Variants in SCN8A observed in about 807,000 individuals in gnomAD.
SCN8A encodes sodium voltage-gated channel alpha subunit 8.
In SCN8A, 30 loss-of-function variants were observed where a neutral mutation model predicts 184.1. That is an observed-to-expected ratio of 0.16 (90% CI 0.12 to 0.22). SCN8A has a LOEUF of 0.22. SCN8A is among the 10% of genes least tolerant of loss of function. The probability of loss-of-function intolerance (pLI) is 1.00; values close to 1 mark genes in which losing one functional copy is unlikely to be tolerated. For synonymous variants in SCN8A, 852 were observed against 907.0 expected (o/e 0.94, Z 1.09); for missense variants, 1,057 against 2,498.9 (o/e 0.42, Z 12.30).
intron 19 of SCN8A, among the ~76,000 whole-genome samples, chr12:51,773,399 T>G (rs1243519898): frequency 6.6e-6 from 1 of 152,162 alleles, no homozygotes; most frequent in Non-Finnish European, 1.5e-5. Flanking sequence ...AGAAATAAAA[T>G]AGTGATAAGA....
chr12:51,627,498 C>T (rs932651433), intron 1 of SCN8A, among the ~76,000 whole-genome samples: 1 of 152,178 alleles, frequency 6.6e-6, no homozygotes, highest in Non-Finnish European at 1.5e-5. Context: ...TCTCCTGCCT[C>T]AGCCTCCCAA....
chr12:51,793,240 G>T (rs1424122000), intron 25 of SCN8A, among the ~76,000 whole-genome samples: 2 of 152,116 alleles, frequency 1.3e-5, no homozygotes, highest in Non-Finnish European at 2.9e-5. Context: ...TTTGGAGGAA[G>T]AATCAACAGG....
At chr12:51,660,673 ACT>A (rs1199763912) in intron 1 of SCN8A, among the ~76,000 whole-genome samples, 1 of 152,042 alleles carries the variant, frequency 6.6e-6, no homozygotes, top group Non-Finnish European at 1.5e-5. Flanking sequence ...GTTTTCTCTG[ACT>A]CTGTTTCTTT....
chr12:51,706,813 T>G, intron 11 of SCN8A, 98 bp downstream of exon 11: 1 of 886,414 alleles, frequency 1.1e-6, no homozygotes, highest in Non-Finnish European at 1.6e-6. Context: ...ATTTTAAGTG[T>G]ACCGTTCAGT....
intron 1 of SCN8A, among the ~76,000 whole-genome samples, chr12:51,645,922 C>G (rs1304533620): frequency 1.4e-5 from 2 of 142,404 alleles, no homozygotes; most frequent in Non-Finnish European, 3.0e-5. Flanking sequence ...AAATCCCCCT[C>G]TGCGAGAAAC....
intron 6 of SCN8A, chr12:51,689,536 ATTAAT>A: frequency 6.3e-6 from 1 of 158,586 alleles, no homozygotes; most frequent in Non-Finnish European, 1.4e-5. Flanking sequence ...CTATTACTAT[ATTAAT>A]GAAATTTTTT....
intron 11 of SCN8A, among the ~76,000 whole-genome samples, chr12:51,706,948 T>A (rs1418040942): frequency 6.6e-6 from 1 of 152,168 alleles, no homozygotes; most frequent in African/African-American, 2.4e-5. Flanking sequence ...CTCCCACGTA[T>A]GAGTGAGAAC....
chr12:51,750,284 T>C (rs1942576263), intron 13 of SCN8A, among the ~76,000 whole-genome samples: 1 of 152,108 alleles, frequency 6.6e-6, no homozygotes, highest in South Asian at 2.1e-4. Flanking sequence ...ATGTGAGATC[T>C]TGTTTGACAA....
chr12:51,688,616 T>C, intron 5 of SCN8A: 1 of 643,930 alleles, frequency 1.6e-6, no homozygotes, highest in Non-Finnish European at 2.7e-6. Context: ...CAAATGTTCC[T>C]TAAATGTTTG....
At chr12:51,767,268 T>G (rs1942852778) in intron 16 of SCN8A, among the ~76,000 whole-genome samples, 1 of 152,178 alleles carries the variant, frequency 6.6e-6, no homozygotes, top group South Asian at 2.1e-4. Flanking sequence ...TGTTCTTATT[T>G]GTCTCAAAGA....
chr12:51,661,876 C>T (rs187601046), intron 1 of SCN8A, among the ~76,000 whole-genome samples: 1 of 152,296 alleles, frequency 6.6e-6, no homozygotes, highest in African/African-American at 2.4e-5. Flanking sequence ...TTTCAAATAC[C>T]ATGCTTAGAA....
chr12:51,719,858 C>T (rs1236921025), intron 11 of SCN8A, among the ~76,000 whole-genome samples: 5 of 151,878 alleles, frequency 3.3e-5, no homozygotes, highest in Non-Finnish European at 2.9e-5. Flanking sequence ...GGGCGGATCA[C>T]GAGGTCAGGA....
In SCN8A at chr12:51,679,085, T is replaced by TAAA. The variant is rs1490341605; in HGVS notation, c.277-5084_277-5082dup. On this transcript the variant is annotated intron_variant, in intron 2 of 26. Coordinates refer to ENST00000627620, the MANE Select transcript of SCN8A (RefSeq NM_001330260.2). ...AGCGAGGCTCCGTCTCCAAAAAAAA[T>TAAA]AAAAAAATAAAAAAAAATAAAGCTA... 0.011 allele frequency among the ~76,000 whole-genome samples: 502 copies of TAAA among 46,840 alleles called. 2 individuals are homozygous for TAAA. The East Asian group carries it at 0.17, about 16-fold the overall frequency. The allele number at this position is 46,840 out of a possible 152,430, so 30.7% of individuals were successfully genotyped here.
intron 12 of SCN8A, among the ~76,000 whole-genome samples, chr12:51,733,027 C>T (rs374288641): frequency 1.9e-4 from 29 of 152,184 alleles, no homozygotes; most frequent in African/African-American, 5.1e-4. Flanking sequence ...TCTTCCTTTC[C>T]GATTTGTGTG....
intron 2 of SCN8A, among the ~76,000 whole-genome samples, chr12:51,678,308 G>A (rs1489406108): frequency 6.6e-6 from 1 of 152,184 alleles, no homozygotes; most frequent in African/African-American, 2.4e-5. Context: ...GCTGACATAA[G>A]TATGGTACTA....
intron 1 of SCN8A, among the ~76,000 whole-genome samples, chr12:51,610,028 G>C (rs1263727633): frequency 6.6e-6 from 1 of 151,250 alleles, no homozygotes; most frequent in Non-Finnish European, 1.5e-5. Context: ...AAATAAGCCG[G>C]GCATGGTGGC....
intron 1 of SCN8A, among the ~76,000 whole-genome samples, chr12:51,633,031 T>C (rs189993617): frequency 6.6e-5 from 10 of 152,320 alleles, no homozygotes. Context: ...TATTTTGAGA[T>C]TCAAATGTGG....
At position 51,705,434 on chromosome 12, in the gene SCN8A, G is replaced by C. The variant is rs759112194; in HGVS notation, c.1152G>C (p.Gly384=). The change falls in exon 10 of 27, where the codon GGG becomes GGC. Residue 384 remains glycine, a synonymous_variant. Transcript: ENST00000627620. The part of the protein sequence containing the change: ...NLYQLTLRAA[G]KTYMIFFVLV... ...CTTTGCAGACTTTACGAGCAGCCGG[G>C]AAAACATACATGATCTTCTTCGTCT... The C allele has an allele frequency of 2.5e-6, 4 of 1,613,912 alleles. No individual in the cohort carries two copies. In the East Asian group the frequency reaches 8.9e-5, roughly 36 times the overall value.
chr12:51,636,939 G>A (rs1047043258), intron 1 of SCN8A, among the ~76,000 whole-genome samples: 5 of 152,112 alleles, frequency 3.3e-5, no homozygotes, highest in Admixed American at 6.5e-5. Flanking sequence ...TTTACAAATT[G>A]TAAGTTTGTG....
Sources: gnomAD v4.1 joint callset for allele counts (sites outside exome capture counted in the v4.1 genomes callset) on GRCh38, gnomAD v4.1.1 for gene constraint, MANE v1.5 for transcripts, NCBI Gene and HGNC (gene_info 2026-07-23, HGNC 2026-07-21) for gene names.